Variants in LNX2 observed in about 807,000 individuals in gnomAD.
The protein encoded by LNX2 is ligand of Numb protein X 2.
In LNX2, 35 loss-of-function variants were observed where a neutral mutation model predicts 66.2. The ratio of observed to expected loss-of-function variants is 0.53; its 90% CI spans 0.40 to 0.70. The LOEUF is 0.70. Ranked by LOEUF, LNX2 falls within the 30% of genes least tolerant of loss-of-function variation. LNX2 has a pLI of 0.00. For synonymous variants in LNX2, 337 were observed against 315.6 expected (o/e 1.07, Z -0.72); for missense variants, 791 against 850.8 (o/e 0.93, Z 0.87).
At chr13:27,597,132 G>A (rs1535787) in intron 1 of LNX2, among the ~76,000 whole-genome samples, 151,544 of 152,328 alleles carry the variant, frequency 0.99, 75,383 homozygotes, top group Middle Eastern at 1. Flanking sequence ...CCTTATCAGA[G>A]ATCAATCTGT....
chr13:27,554,370 AC>A (rs1488133766), intron 7 of LNX2, among the ~76,000 whole-genome samples: 1 of 152,202 alleles, frequency 6.6e-6, no homozygotes, highest in African/African-American at 2.4e-5. Context: ...AATTTTGAGA[AC>A]ATTTTAATCA....
intron 1 of LNX2, among the ~76,000 whole-genome samples, chr13:27,604,853 T>C (rs1955696916): frequency 7.3e-6 from 1 of 136,674 alleles, no homozygotes; most frequent in Admixed American, 7.1e-5. Flanking sequence ...TATTTCTATT[T>C]AATTTTTTTT....
At position 27,598,921 on chromosome 13, in the gene LNX2, T is replaced by C. The variant is rs1490433290; in HGVS notation, c.-100-17118A>G. On this transcript the variant is annotated intron_variant, in intron 1 of 9. Coordinates refer to ENST00000316334, the MANE Select transcript of LNX2 (RefSeq NM_153371.4). ...ATTGTTAATTTTCCAGAAGAAAACATGTATTGCCATCTATATGGGGGCCAA... is the reference window on the plus strand; with the variant it reads ...ATTGTTAATTTTCCAGAAGAAAACACGTATTGCCATCTATATGGGGGCCAA... 5.3e-5 allele frequency among the ~76,000 whole-genome samples: 8 copies of C among 152,188 alleles called. No individual in the cohort carries two copies. The East Asian group carries it at 1.5e-3, about 29-fold the overall frequency.
At chr13:27,566,775 G>A (rs370358283) in intron 4 of LNX2, among the ~76,000 whole-genome samples, 16 of 152,152 alleles carry the variant, frequency 1.1e-4, no homozygotes, top group African/African-American at 3.6e-4. Flanking sequence ...GGAGAGAGAG[G>A]AGTCCCTGCG....
At chr13:27,604,912 A>G (rs929317269) in intron 1 of LNX2, among the ~76,000 whole-genome samples, 13 of 145,340 alleles carry the variant, frequency 8.9e-5, no homozygotes, top group African/African-American at 3.1e-4. Context: ...TTAATGGGGG[A>G]AAAACAGACC....
chr13:27,565,600 A>G (rs369409247), intron 4 of LNX2, among the ~76,000 whole-genome samples: 1 of 152,220 alleles, frequency 6.6e-6, no homozygotes, highest in African/African-American at 2.4e-5. Context: ...CATAAAATGC[A>G]GCTAGGATAA....
chr13:27,584,491 A>G (rs1955461724), intron 1 of LNX2, among the ~76,000 whole-genome samples: 1 of 151,752 alleles, frequency 6.6e-6, no homozygotes, highest in African/African-American at 2.4e-5. Flanking sequence ...GAGTGAGGCC[A>G]GCCTGGCAAC....
intron 8 of LNX2, among the ~76,000 whole-genome samples, chr13:27,551,121 T>A (rs1437247078): frequency 6.6e-6 from 1 of 152,006 alleles, no homozygotes; most frequent in Non-Finnish European, 1.5e-5. Flanking sequence ...ATCTTTTTCT[T>A]TTTTTTTCTA....
chr13:27,564,261 G>A (rs1955176710), intron 4 of LNX2, among the ~76,000 whole-genome samples: 1 of 152,156 alleles, frequency 6.6e-6, no homozygotes, highest in Admixed American at 6.5e-5. Flanking sequence ...GGAATGCATG[G>A]TTGCCAGTGA....
intron 5 of LNX2, among the ~76,000 whole-genome samples, chr13:27,560,876 A>T (rs911317769): frequency 6.6e-6 from 1 of 152,158 alleles, no homozygotes; most frequent in Non-Finnish European, 1.5e-5. Flanking sequence ...TCCCATGATT[A>T]TAGTCAATAA....
At chr13:27,549,305 A>G (rs909166583) in intron 9 of LNX2, among the ~76,000 whole-genome samples, 3 of 152,170 alleles carry the variant, frequency 2.0e-5, no homozygotes, top group African/African-American at 7.2e-5. Flanking sequence ...GAATGTCAAC[A>G]TTTACTTTTT....
At position 27,567,631 on chromosome 13, in the gene LNX2, A is replaced by C. The variant is rs376242568; in HGVS notation, c.855+9T>G. The stretch of plus-strand genomic sequence containing the variant: ...AGGCACAAGTTAACAGAATAATTAA[A>C]ACTGATACCTGAAGAATCTGGTCTC... On this transcript the variant is annotated intron_variant, in intron 4 of 9. Coordinates refer to ENST00000316334, the MANE Select transcript of LNX2 (RefSeq NM_153371.4). 6 of 1,612,570 alleles carry C rather than the reference A, an allele frequency of 3.7e-6. No individual in the cohort carries two copies. Among genetic ancestry groups the C allele is most frequent in the Non-Finnish European group, 5.1e-6 (6 of 1,178,746 alleles).
At chr13:27,587,877 C>T (rs952595023) in intron 1 of LNX2, among the ~76,000 whole-genome samples, 5 of 151,970 alleles carry the variant, frequency 3.3e-5, no homozygotes, top group South Asian at 2.1e-4. Context: ...AAAAATTAGC[C>T]GGGCATGGTG....
chr13:27,598,432 T>C (rs558466090), intron 1 of LNX2, among the ~76,000 whole-genome samples: 2 of 152,266 alleles, frequency 1.3e-5, no homozygotes, highest in East Asian at 1.9e-4. Flanking sequence ...ACAGTCTAAA[T>C]TGAACAGGGA....
rs1028065700 is a variant in LNX2, at chr13:27,612,582, G to A, written c.-101+7793C>T. 3.0e-4 allele frequency among the ~76,000 whole-genome samples: 45 copies of A among 152,204 alleles called. 1 individual carries two copies. The highest frequency in any genetic ancestry group is 2.9e-3 in the Admixed American group (44 of 15,288). Reference sequence around the variant, plus strand: ...GTACCAGTAGCTATGTTTAAAAAACGAAAAGAAACAAGTGAATGAATTATT... The same window carrying A: ...GTACCAGTAGCTATGTTTAAAAAACAAAAAGAAACAAGTGAATGAATTATT... On this transcript the variant is annotated intron_variant, in intron 1 of 9. Coordinates refer to ENST00000316334, the MANE Select transcript of LNX2 (RefSeq NM_153371.4).
chr13:27,603,405 T>G (rs1955679272), intron 1 of LNX2, among the ~76,000 whole-genome samples: 1 of 151,140 alleles, frequency 6.6e-6, no homozygotes, highest in Non-Finnish European at 1.5e-5. Context: ...AAACACACCT[T>G]GGTACAATTG....
At chr13:27,548,591 G>A in intron 9 of LNX2, 121 bp from the exon 10 acceptor site, 1 of 1,054,652 alleles carries the variant, frequency 9.5e-7, no homozygotes. Flanking sequence ...CAATGGTTAG[G>A]GTGTATAATC....
At chr13:27,578,569 G>A (rs1955365384) in intron 2 of LNX2, among the ~76,000 whole-genome samples, 1 of 152,178 alleles carries the variant, frequency 6.6e-6, no homozygotes, top group African/African-American at 2.4e-5. Flanking sequence ...TTCCAACAGA[G>A]AAGGGATGCC....
chr13:27,603,848 C>T (rs2138458585), intron 1 of LNX2, among the ~76,000 whole-genome samples: 1 of 151,866 alleles, frequency 6.6e-6, no homozygotes, highest in South Asian at 2.1e-4. Context: ...ATGTATTCCA[C>T]CAAAAAGGAG....
Sources: allele counts gnomAD v4.1 joint callset (sites outside exome capture counted in the v4.1 genomes callset), GRCh38; gene constraint gnomAD v4.1.1; transcripts MANE v1.5; gene names NCBI Gene and HGNC (gene_info 2026-07-23, HGNC 2026-07-21).